Variants in GRM7 observed in about 807,000 individuals in gnomAD.
The protein encoded by GRM7 is metabotropic glutamate receptor 7.
GRM7 carries 35 observed loss-of-function variants against 84.5 expected under a neutral mutation model. The observed-to-expected ratio is 0.41, with a 90% CI of 0.32 to 0.55. The LOEUF (loss-of-function observed/expected upper bound fraction) is 0.55, where lower values mean the gene tolerates loss of function less well. Among genes scored for constraint, GRM7 ranks in the 20% least tolerant of loss-of-function variants. The probability of loss-of-function intolerance (pLI) is 0.19; values close to 1 mark genes in which losing one functional copy is unlikely to be tolerated. For missense variants in GRM7, 1,003 were observed against 1,194.6 expected (o/e 0.84, Z 2.36); for synonymous variants, 487 against 455.1 (o/e 1.07, Z -0.89).
At chr3:7,301,309 C>A (rs1411174857) in intron 3 of GRM7, among the ~76,000 whole-genome samples, 3 of 152,138 alleles carry the variant, frequency 2.0e-5, no homozygotes, top group African/African-American at 7.2e-5. Context: ...AATTATCTTA[C>A]AACATTATTT....
rs563008341 is a variant in GRM7, at chr3:7,281,332, G to A, written c.737-17352G>A. Among the ~76,000 whole-genome samples the A allele has an allele frequency of 8.5e-5, 13 of 152,146 alleles. No individual in the cohort carries two copies. The East Asian group carries it at 2.5e-3, about 29-fold the overall frequency. ...TTATATGACTTTGTGATTACATTGA[G>A]AATATTTCATAAAACCTCCATTTGT... is the stretch of plus-strand genomic sequence containing the variant. On this transcript the variant is annotated intron_variant, in intron 2 of 9. Transcript: ENST00000357716.
At chr3:6,890,309 T>G (rs1422988265) in intron 1 of GRM7, among the ~76,000 whole-genome samples, 1 of 152,212 alleles carries the variant, frequency 6.6e-6, no homozygotes, top group Non-Finnish European at 1.5e-5. Flanking sequence ...TTCTAGTTCT[T>G]GTAATTGTGA....
chr3:7,168,669 T>G (rs373062831), intron 2 of GRM7, among the ~76,000 whole-genome samples: 33 of 152,306 alleles, frequency 2.2e-4, no homozygotes, highest in African/African-American at 7.9e-4. Context: ...AATATATTCC[T>G]GTTAATATAA....
intron 4 of GRM7, among the ~76,000 whole-genome samples, chr3:7,318,354 A>C (rs1323904931): frequency 6.6e-6 from 1 of 152,020 alleles, no homozygotes; most frequent in Non-Finnish European, 1.5e-5. Flanking sequence ...GAGCTCACAA[A>C]CTCACCTATG....
At chr3:7,734,203 C>T in intron 9 of GRM7, among the ~76,000 whole-genome samples, 1 of 137,164 alleles carries the variant, frequency 7.3e-6, no homozygotes. Flanking sequence ...ACCTACCTCC[C>T]TTATTCACCA....
intron 1 of GRM7, among the ~76,000 whole-genome samples, chr3:6,873,775 G>A (rs1487557023): frequency 6.6e-6 from 1 of 152,168 alleles, no homozygotes; most frequent in Non-Finnish European, 1.5e-5. Flanking sequence ...GCCTATGGTG[G>A]TATCTGACCC....
chr3:7,711,708 T>A (rs973519621), intron 9 of GRM7, among the ~76,000 whole-genome samples: 9 of 152,200 alleles, frequency 5.9e-5, no homozygotes, highest in Non-Finnish European at 1.3e-4. Context: ...GTTCTTTTAG[T>A]TCTCTCGATG....
At chr3:7,119,713 C>T (rs977445421) in intron 1 of GRM7, among the ~76,000 whole-genome samples, 5 of 152,100 alleles carry the variant, frequency 3.3e-5, no homozygotes, top group Admixed American at 2.6e-4. Context: ...GTGAGCTCTT[C>T]CTCTGTTCCA....
At chr3:7,279,052 T>G (rs1008276322) in intron 2 of GRM7, among the ~76,000 whole-genome samples, 2 of 152,194 alleles carry the variant, frequency 1.3e-5, no homozygotes, top group African/African-American at 4.8e-5. Context: ...GAATATTGAA[T>G]AAAATATAAG....
At chr3:6,914,408 A>T (rs1174170324) in intron 1 of GRM7, among the ~76,000 whole-genome samples, 1 of 151,986 alleles carries the variant, frequency 6.6e-6, no homozygotes, top group Admixed American at 6.6e-5. Flanking sequence ...ATAGCTATTT[A>T]GGTGTTTTTT....
intron 4 of GRM7, among the ~76,000 whole-genome samples, chr3:7,367,354 C>T (rs1434411487): frequency 6.6e-6 from 1 of 151,082 alleles, no homozygotes; most frequent in Non-Finnish European, 1.5e-5. Flanking sequence ...TCATTGAATT[C>T]TTTTTGTTGG....
chr3:7,074,199 G>T (rs941555263), intron 1 of GRM7, among the ~76,000 whole-genome samples: 1 of 152,272 alleles, frequency 6.6e-6, no homozygotes, highest in African/African-American at 2.4e-5. Flanking sequence ...CTGTGGAGTT[G>T]GTCCTGTCAT....
intron 4 of GRM7, among the ~76,000 whole-genome samples, chr3:7,385,318 T>A (rs968865076): frequency 3.4e-5 from 3 of 89,234 alleles, no homozygotes; most frequent in African/African-American, 5.0e-5. Flanking sequence ...TTTTTTTTTT[T>A]AAGACAGAGT....
At chr3:7,179,649 A>G (rs1388539843) in intron 2 of GRM7, among the ~76,000 whole-genome samples, 1 of 152,186 alleles carries the variant, frequency 6.6e-6, no homozygotes, top group Non-Finnish European at 1.5e-5. Flanking sequence ...CTCCTGCCCT[A>G]CAGACACCTT....
intron 8 of GRM7, among the ~76,000 whole-genome samples, chr3:7,666,276 G>A (rs1699696740): frequency 6.6e-6 from 1 of 152,194 alleles, no homozygotes; most frequent in Non-Finnish European, 1.5e-5. Context: ...TCTGGGCAGA[G>A]AGAATAATAT....
intron 1 of GRM7, among the ~76,000 whole-genome samples, chr3:7,032,898 TG>T (rs1482772529): frequency 6.6e-6 from 1 of 152,194 alleles, no homozygotes; most frequent in Non-Finnish European, 1.5e-5. Context: ...GCCTTTCTAA[TG>T]TCCTTTAACT....
intron 1 of GRM7, among the ~76,000 whole-genome samples, chr3:6,962,649 GT>G (rs1693346350): frequency 6.6e-6 from 1 of 152,168 alleles, no homozygotes; most frequent in African/African-American, 2.4e-5. Context: ...ACAAGGTTCA[GT>G]TAGTGTAAGT....
At chr3:7,183,540 T>G (rs1421777237) in intron 2 of GRM7, among the ~76,000 whole-genome samples, 1 of 152,122 alleles carries the variant, frequency 6.6e-6, no homozygotes, top group Non-Finnish European at 1.5e-5. Flanking sequence ...GGCAGGAGAC[T>G]TGCTTGAACC....
At chr3:7,699,351 G>A (rs142250384) in intron 9 of GRM7, among the ~76,000 whole-genome samples, 1 of 152,176 alleles carries the variant, frequency 6.6e-6, no homozygotes, top group East Asian at 1.9e-4. Flanking sequence ...GGTGACAATG[G>A]GAAAAAATAG....
Sources: allele counts gnomAD v4.1 joint callset (sites outside exome capture counted in the v4.1 genomes callset), GRCh38; gene constraint gnomAD v4.1.1; transcripts MANE v1.5; gene names NCBI Gene and HGNC (gene_info 2026-07-23, HGNC 2026-07-21).